The following EEFSEC variants were observed in gnomAD, a reference collection of about 807,000 sequenced individuals.
The protein encoded by EEFSEC is eukaryotic elongation factor, selenocysteine-tRNA specific.
In EEFSEC, 43 loss-of-function variants were observed where a neutral mutation model predicts 42.1. That is an observed-to-expected ratio of 1.02 (90% CI 0.80 to 1.32). The LOEUF (loss-of-function observed/expected upper bound fraction) is 1.32. EEFSEC is among the 40% of genes most tolerant of loss of function. EEFSEC has a pLI of 0.00. For synonymous variants in EEFSEC, 354 were observed against 339.1 expected, an observed-to-expected ratio of 1.04 and a Z score of -0.48; for missense variants, 745 against 803.6, an observed-to-expected ratio of 0.93 and a Z score of 0.88.
At chr3:128,405,399 C>T (rs919630456) in intron 6 of EEFSEC, among the ~76,000 whole-genome samples, 1 of 152,142 alleles carries the variant, frequency 6.6e-6, no homozygotes, top group Non-Finnish European at 1.5e-5. Flanking sequence ...AAGGGGTATC[C>T]CCCACCCATC....
chr3:128,294,983 C>A (rs1361591637), intron 4 of EEFSEC, among the ~76,000 whole-genome samples: 1 of 152,194 alleles, frequency 6.6e-6, no homozygotes, highest in African/African-American at 2.4e-5. Flanking sequence ...CCCCATGATG[C>A]CTGGGAAAAT....
downstream of EEFSEC, among the ~76,000 whole-genome samples, chr3:128,412,689 C>G (rs1248473448): frequency 6.6e-6 from 1 of 152,180 alleles, no homozygotes; most frequent in Non-Finnish European, 1.5e-5. Flanking sequence ...CACAGGCAGC[C>G]CAGATTAAAA....
chr3:128,244,263 C>A (rs2066103210), intron 1 of EEFSEC, among the ~76,000 whole-genome samples: 1 of 152,214 alleles, frequency 6.6e-6, no homozygotes, highest in Non-Finnish European at 1.5e-5. Context: ...TGGTTAGGAC[C>A]CGGAAGACAG....
intron 4 of EEFSEC, among the ~76,000 whole-genome samples, chr3:128,298,447 C>T (rs963869346): frequency 6.6e-6 from 1 of 152,156 alleles, no homozygotes; most frequent in African/African-American, 2.4e-5. Context: ...CACACCTGGC[C>T]ATTTTTTAAA....
In EEFSEC at chr3:128,284,008, G is replaced by A. The variant is rs551984022; in HGVS notation, c.786+19227G>A. 5.3e-5 allele frequency among the ~76,000 whole-genome samples: 8 copies of A among 152,302 alleles called. No homozygotes were observed. In the South Asian group the frequency reaches 6.2e-4, roughly 12 times the overall value. On this transcript the variant is annotated intron_variant, in intron 4 of 6. Transcript: ENST00000254730. ...TCCCCATTTGCTGGAGAGCACGGGT[G>A]CTGCCATGTATCAGCCTCCCTCCAG...
rs77916791 is a variant in EEFSEC at position 128,294,648 on chromosome 3, G to A, written c.786+29867G>A. Among the ~76,000 whole-genome samples the A allele has an allele frequency of 1.5e-3, 236 of 152,296 alleles. 1 individual carries two copies. The highest frequency in any genetic ancestry group is 5.1e-3 in the African/African-American group (211 of 41,568). The stretch of plus-strand genomic sequence containing the variant: ...GTACACTGGGGGCACTTGAGATAGG[G>A]AGGGACCCCAAGGGAGGGTCTGGTT... On this transcript the variant is annotated intron_variant, in intron 4 of 6. Transcript: ENST00000254730.
chr3:128,336,133 C>T (rs2067187406), intron 4 of EEFSEC, among the ~76,000 whole-genome samples: 1 of 152,100 alleles, frequency 6.6e-6, no homozygotes, highest in African/African-American at 2.4e-5. Context: ...CCCAGCTCCC[C>T]TCCCCTGAAG....
At chr3:128,268,139 T>C (rs1379755544) in intron 4 of EEFSEC, among the ~76,000 whole-genome samples, 1 of 152,262 alleles carries the variant, frequency 6.6e-6, no homozygotes, top group Non-Finnish European at 1.5e-5. Context: ...TCATGGAATT[T>C]GCCCTGCTGT....
intron 1 of EEFSEC, among the ~76,000 whole-genome samples, chr3:128,237,775 G>A (rs2066028359): frequency 6.6e-6 from 1 of 152,102 alleles, no homozygotes. Flanking sequence ...TGTTCCTCCT[G>A]TTCCTCCACT....
At chr3:128,415,467 C>CCTAA in the EEFSEC span, among the ~76,000 whole-genome samples, 99,899 of 151,612 alleles carry the variant, frequency 0.66, 35,727 homozygotes, top group East Asian at 0.98. Context: ...GGCAACCCGC[C>CCTAA]TCAGATGCAG....
chr3:128,203,712 T>C (rs1288252362), intron 1 of EEFSEC, among the ~76,000 whole-genome samples: 1 of 152,248 alleles, frequency 6.6e-6, no homozygotes, highest in Non-Finnish European at 1.5e-5. Context: ...ATCTACATTT[T>C]GGAGTGAGTG....
chr3:128,201,966 ATTGTT>A, intron 1 of EEFSEC, among the ~76,000 whole-genome samples: 1 of 152,208 alleles, frequency 6.6e-6, no homozygotes, highest in African/African-American at 2.4e-5. Flanking sequence ...AGTTTTTTAG[ATTGTT>A]TTGTTGCCTT....
chr3:128,292,208 T>A (rs2066651262), intron 4 of EEFSEC, among the ~76,000 whole-genome samples: 1 of 152,094 alleles, frequency 6.6e-6, no homozygotes, highest in South Asian at 2.1e-4. Flanking sequence ...TATATATTGC[T>A]GGATTTTGAT....
chr3:128,358,126 G>T, intron 5 of EEFSEC, 91 bp from the exon 6 acceptor site: 1 of 1,527,280 alleles, frequency 6.5e-7, no homozygotes, highest in Non-Finnish European at 8.9e-7. Flanking sequence ...CATGCCTAGG[G>T]CCCGGGAGAG....
intron 1 of EEFSEC, among the ~76,000 whole-genome samples, chr3:128,197,688 G>C (rs537211624): frequency 6.6e-6 from 1 of 152,140 alleles, no homozygotes; most frequent in Non-Finnish European, 1.5e-5. Flanking sequence ...TGACTGACTG[G>C]CCTCTTTCTT....
intron 6 of EEFSEC, among the ~76,000 whole-genome samples, chr3:128,403,692 G>A (rs916994833): frequency 1.5e-4 from 19 of 126,726 alleles, no homozygotes; most frequent in East Asian, 1.1e-3. Flanking sequence ...AGCGCCTCTC[G>A]CATACCCTAG....
intron 1 of EEFSEC, among the ~76,000 whole-genome samples, chr3:128,214,769 T>TC (rs995063306): frequency 3.3e-5 from 5 of 152,216 alleles, no homozygotes; most frequent in Non-Finnish European, 7.3e-5. Flanking sequence ...TCTCTTCATT[T>TC]CCCGGAGGGA....
At chr3:128,401,630 G>A (rs2068048827) in intron 6 of EEFSEC, among the ~76,000 whole-genome samples, 1 of 152,196 alleles carries the variant, frequency 6.6e-6, no homozygotes, top group South Asian at 2.1e-4. Flanking sequence ...CAGAGAGGGA[G>A]GAGGGGTGAG....
At chr3:128,369,149 TGAAGTTCCCAATG>T (rs1023100962) in intron 6 of EEFSEC, among the ~76,000 whole-genome samples, 2 of 152,132 alleles carry the variant, frequency 1.3e-5, no homozygotes, top group African/African-American at 4.8e-5. Context: ...CACCAGACCC[TGAAGTTCCCAATG>T]GAAGTGGACA....
Sources: gnomAD v4.1 joint callset for allele counts (sites outside exome capture counted in the v4.1 genomes callset) on GRCh38, gnomAD v4.1.1 for gene constraint, MANE v1.5 for transcripts, NCBI Gene and HGNC (gene_info 2026-07-23, HGNC 2026-07-21) for gene names.